The following FGF12 variants were observed in gnomAD, a reference collection of about 807,000 sequenced individuals.
The protein encoded by FGF12 is fibroblast growth factor 12, also known as fibroblast growth factor 12B.
FGF12 carries 14 observed loss-of-function variants against 23.6 expected under a neutral mutation model. The ratio of observed to expected loss-of-function variants is 0.59; its 90% CI spans 0.39 to 0.93. The LOEUF (loss-of-function observed/expected upper bound fraction) is 0.93. FGF12 is among the 40% of genes least tolerant of loss of function. The probability of loss-of-function intolerance (pLI) is 0.00; values close to 1 mark genes in which losing one functional copy is unlikely to be tolerated. For synonymous variants in FGF12, 62 were observed against 77.3 expected, an observed-to-expected ratio of 0.80 and a Z score of 1.04; for missense variants, 175 against 217.8, an observed-to-expected ratio of 0.80 and a Z score of 1.24.
At chr3:192,378,026 T>TTCTCTTTC (rs1719605876) in intron 2 of FGF12, among the ~76,000 whole-genome samples, 1 of 69,442 alleles carries the variant, frequency 1.4e-5, no homozygotes, top group Non-Finnish European at 2.7e-5. Context: ...TGACTCTTTC[T>TTCTCTTTC]TTTCTTTCTT....
At chr3:192,508,983 C>T (rs1724392771) in intron 2 of FGF12, among the ~76,000 whole-genome samples, 1 of 152,080 alleles carries the variant, frequency 6.6e-6, no homozygotes, top group Admixed American at 6.5e-5. Flanking sequence ...TTGTATGACA[C>T]CTTTTGCTTA....
intron 4 of FGF12, among the ~76,000 whole-genome samples, chr3:192,331,726 A>T (rs1381174122): frequency 6.6e-6 from 1 of 152,102 alleles, no homozygotes; most frequent in Non-Finnish European, 1.5e-5. Context: ...TTCAATGGGT[A>T]TACAGAATTT....
rs935642511 is a variant in FGF12, at chr3:192,721,926, C to T, written c.13+5255G>A. Among the ~76,000 whole-genome samples the T allele has an allele frequency of 1.8e-4, 27 of 152,206 alleles. 1 individual carries two copies. The highest frequency in any genetic ancestry group is 4.8e-4 in the African/African-American group (20 of 41,546). ...TGTAAGACTTTATATTCTAGCCTCC[C>T]GGATAACCTACTAGAACTCTGAAAG... On this transcript the variant is annotated intron_variant, in intron 2 of 5. Coordinates refer to ENST00000445105, the MANE Select transcript of FGF12 (RefSeq NM_004113.6).
intron 2 of FGF12, among the ~76,000 whole-genome samples, chr3:192,635,897 A>T (rs915926988): frequency 6.6e-6 from 1 of 152,194 alleles, no homozygotes; most frequent in African/African-American, 2.4e-5. Context: ...TCGTTTGGTC[A>T]TCAAGTCTTA....
At chr3:192,251,280 G>C (rs1711992139) in intron 4 of FGF12, among the ~76,000 whole-genome samples, 1 of 152,192 alleles carries the variant, frequency 6.6e-6, no homozygotes, top group Non-Finnish European at 1.5e-5. Context: ...TCATTGATGA[G>C]AACCCACTTT....
intron 2 of FGF12, among the ~76,000 whole-genome samples, chr3:192,631,500 A>C (rs954471703): frequency 6.6e-6 from 1 of 152,214 alleles, no homozygotes; most frequent in African/African-American, 2.4e-5. Context: ...TAATTTTCCT[A>C]ACTCCTTGTA....
chr3:192,298,841 T>C (rs778839534), intron 4 of FGF12, among the ~76,000 whole-genome samples: 1 of 152,204 alleles, frequency 6.6e-6, no homozygotes, highest in Admixed American at 6.5e-5. Flanking sequence ...AGGAAACTTC[T>C]GGTCATGGTG....
At position 192,336,481 on chromosome 3, in the gene FGF12, C is replaced by T. The variant is rs186076190; in HGVS notation, c.125-1017G>A. Among the ~76,000 whole-genome samples, 509 of 152,154 alleles carry T rather than the reference C, an allele frequency of 3.3e-3. 2 individuals carry two copies. The highest frequency in any genetic ancestry group is 0.017 in the Middle Eastern group (5 of 294). On this transcript the variant is annotated intron_variant, in intron 3 of 5. Coordinates refer to ENST00000445105, the MANE Select transcript of FGF12 (RefSeq NM_004113.6). The surrounding 1 kb of genome is among the most constrained non-coding windows in gnomAD (Gnocchi z 4.3). ...TGAGCATAAACAGAAAACACTGCCC[C>T]CACCCTGAAACAATTCACATTGCAT...
At chr3:192,546,858 T>A (rs998668045) in intron 2 of FGF12, among the ~76,000 whole-genome samples, 6 of 152,162 alleles carry the variant, frequency 3.9e-5, no homozygotes, top group African/African-American at 1.4e-4. Context: ...GAGACCAGCC[T>A]GTGCAACACA....
Position 192,422,092 on chromosome 3 carries a change from A to C in FGF12, c.14-61554T>G, listed in dbSNP as rs536209695. Among the ~76,000 whole-genome samples, 8 of 152,146 alleles carry C rather than the reference A, an allele frequency of 5.3e-5. No individual in the cohort carries two copies. In the East Asian group the frequency reaches 1.5e-3, roughly 29 times the overall value. On this transcript the variant is annotated intron_variant, in intron 2 of 5. Transcript: ENST00000445105. ...CCTGTGTACAATTTCTATATAGATAAGAAATCTTAGATAACTGTTGGTGAA... is the reference window on the plus strand; with the variant it reads ...CCTGTGTACAATTTCTATATAGATACGAAATCTTAGATAACTGTTGGTGAA...
chr3:192,553,800 T>C (rs549273662), intron 2 of FGF12, among the ~76,000 whole-genome samples: 2 of 152,310 alleles, frequency 1.3e-5, no homozygotes, highest in African/African-American at 2.4e-5. Context: ...ACTCAGACTT[T>C]TGCGGTGCTG....
At chr3:192,240,592 A>G (rs1293455800) in intron 4 of FGF12, among the ~76,000 whole-genome samples, 1 of 152,170 alleles carries the variant, frequency 6.6e-6, no homozygotes, top group Non-Finnish European at 1.5e-5. Context: ...GGTAAAATAG[A>G]TGACCTAGTG....
intron 2 of FGF12, among the ~76,000 whole-genome samples, chr3:192,549,212 C>G (rs1267670867): frequency 6.6e-6 from 1 of 152,038 alleles, no homozygotes; most frequent in Non-Finnish European, 1.5e-5. Flanking sequence ...AGTATGGAGA[C>G]AGAGAAAACC....
chr3:192,627,160 AC>A (rs1167190352), intron 2 of FGF12, among the ~76,000 whole-genome samples: 7 of 152,136 alleles, frequency 4.6e-5, no homozygotes, highest in Non-Finnish European at 8.8e-5. Context: ...TTAGCAATTC[AC>A]CCAATATCAC....
chr3:192,194,552 T>C (rs1716964491), intron 4 of FGF12, among the ~76,000 whole-genome samples: 1 of 152,216 alleles, frequency 6.6e-6, no homozygotes, highest in African/African-American at 2.4e-5. Flanking sequence ...CTTATTTTCA[T>C]ATATATTTAG....
chr3:192,563,728 G>T lies in FGF12; in HGVS notation c.13+163453C>A, dbSNP rs140383346. Among the ~76,000 whole-genome samples, 7 of 152,316 alleles carry T rather than the reference G, an allele frequency of 4.6e-5. No individual in the cohort carries two copies. The East Asian group carries it at 1.4e-3, about 29-fold the overall frequency. On this transcript the variant is annotated intron_variant, in intron 2 of 5. Transcript: ENST00000445105. ...GCTATTATCAATAGATAAACACAATGATAAGTAGTATTCCTTAGTAGTTAA... is the reference window on the plus strand; with the variant it reads ...GCTATTATCAATAGATAAACACAATTATAAGTAGTATTCCTTAGTAGTTAA...
intron 4 of FGF12, among the ~76,000 whole-genome samples, chr3:192,330,897 C>A (rs1717080294): frequency 6.6e-6 from 1 of 152,028 alleles, no homozygotes; most frequent in Non-Finnish European, 1.5e-5. Flanking sequence ...TCAACAGAAA[C>A]AACTAACAGA....
chr3:192,215,928 C>T lies in FGF12; in HGVS notation c.229-45272G>A, dbSNP rs138086006. Among the ~76,000 whole-genome samples, 521 of 152,210 alleles carry T rather than the reference C, an allele frequency of 3.4e-3. 1 individual carries two copies. Among genetic ancestry groups the T allele is most frequent in the African/African-American group, 0.011 (475 of 41,536 alleles). ...ACTCCTCCTTCTTCACTTTGCTGCC[C>T]TCCTCTCTATGCATCCCACTATCTT... is the stretch of plus-strand genomic sequence containing the variant. On this transcript the variant is annotated intron_variant, in intron 4 of 5. Transcript: ENST00000445105.
intron 2 of FGF12, among the ~76,000 whole-genome samples, chr3:192,566,317 T>C (rs1049273020): frequency 6.6e-6 from 1 of 152,154 alleles, no homozygotes; most frequent in Non-Finnish European, 1.5e-5. Flanking sequence ...TTCATGAAAA[T>C]CATTCTAGCA....
Sources: allele counts gnomAD v4.1 joint callset (sites outside exome capture counted in the v4.1 genomes callset), GRCh38; gene constraint gnomAD v4.1.1; non-coding constraint Gnocchi (gnomAD v3.1); transcripts MANE v1.5; gene names NCBI Gene and HGNC (gene_info 2026-07-23, HGNC 2026-07-21).